Variants in TENM3 observed in about 807,000 individuals in gnomAD.
TENM3 encodes the protein teneurin transmembrane protein 3.
In TENM3, 63 loss-of-function variants were observed where a neutral mutation model predicts 255.1. That is an observed-to-expected ratio of 0.25 (90% CI 0.20 to 0.30). The LOEUF is 0.30. Among genes scored for constraint, TENM3 ranks in the 10% least tolerant of loss-of-function variants. TENM3 has a pLI of 1.00. For missense variants in TENM3, 2,929 were observed against 3,461.1 expected (o/e 0.85, Z 3.86); for synonymous variants, 1,306 against 1,322.3 (o/e 0.99, Z 0.27).
intron 24 of TENM3, among the ~76,000 whole-genome samples, chr4:182,784,702 C>T (rs1375280560): frequency 3.2e-4 from 48 of 151,534 alleles, no homozygotes; most frequent in African/African-American, 8.3e-4. Context: ...TAGCAATCAG[C>T]GAGACTCCGT....
the TENM3 span, among the ~76,000 whole-genome samples, chr4:181,599,383 G>A: frequency 1.3e-5 from 2 of 152,198 alleles, no homozygotes; most frequent in Admixed American, 6.5e-5. Context: ...CTGTAACGTC[G>A]ATGGTTAAGG....
chr4:181,593,563 A>C, the TENM3 span, among the ~76,000 whole-genome samples: 1 of 152,236 alleles, frequency 6.6e-6, no homozygotes, highest in African/African-American at 2.4e-5. Context: ...CCAGTAGTAC[A>C]TGGCACTGGA....
intron 3 of TENM3, among the ~76,000 whole-genome samples, chr4:182,496,156 C>T (rs946971435): frequency 4.6e-5 from 7 of 152,148 alleles, no homozygotes; most frequent in Non-Finnish European, 8.8e-5. Flanking sequence ...AGGGGCCAGT[C>T]TCACTGTTCT....
intron 1 of TENM3, among the ~76,000 whole-genome samples, chr4:182,186,814 T>TATATATATATATATATA (rs1753193848): frequency 1.1e-5 from 1 of 88,240 alleles, no homozygotes. Context: ...TATATATATA[T>TATATATATATATATATA]GGTCCTACCC....
At chr4:182,015,620 G>A in the TENM3 span, among the ~76,000 whole-genome samples, 2 of 151,828 alleles carry the variant, frequency 1.3e-5, no homozygotes, top group Non-Finnish European at 2.9e-5. Flanking sequence ...GAGTGCAGTG[G>A]TGCGATCTTG....
At chr4:182,464,781 T>C (rs1365711930) in intron 3 of TENM3, among the ~76,000 whole-genome samples, 4 of 152,236 alleles carry the variant, frequency 2.6e-5, no homozygotes, top group Non-Finnish European at 5.9e-5. Flanking sequence ...GAGAGAACCA[T>C]AGTTCTGTAT....
the TENM3 span, among the ~76,000 whole-genome samples, chr4:181,810,725 AT>A: frequency 6.6e-6 from 1 of 152,230 alleles, no homozygotes; most frequent in South Asian, 2.1e-4. Context: ...TGCCAGTGGC[AT>A]TTGAAGTGGG....
the TENM3 span, among the ~76,000 whole-genome samples, chr4:181,920,062 C>T: frequency 6.6e-6 from 1 of 151,966 alleles, no homozygotes; most frequent in African/African-American, 2.4e-5. Context: ...AGGACATGAA[C>T]TCATCCTTTT....
the TENM3 span, among the ~76,000 whole-genome samples, chr4:181,747,850 T>C: frequency 6.6e-6 from 1 of 151,982 alleles, no homozygotes. Flanking sequence ...AAGAATCCGG[T>C]TTTCTTTTTT....
At chr4:182,585,198 T>G (rs1462026484) in intron 3 of TENM3, among the ~76,000 whole-genome samples, 3 of 152,180 alleles carry the variant, frequency 2.0e-5, no homozygotes, top group East Asian at 3.8e-4. Context: ...AACATTTCCT[T>G]TTAAGATTGA....
intron 13 of TENM3, among the ~76,000 whole-genome samples, chr4:182,716,512 C>T (rs1759188389): frequency 6.6e-6 from 1 of 152,166 alleles, no homozygotes; most frequent in Non-Finnish European, 1.5e-5. Context: ...GTATTCCTGC[C>T]TCTAACCTAA....
intron 1 of TENM3, among the ~76,000 whole-genome samples, chr4:182,222,298 C>T (rs1290315575): frequency 6.6e-6 from 1 of 152,184 alleles, no homozygotes; most frequent in Non-Finnish European, 1.5e-5. Flanking sequence ...GTCAGTGAAG[C>T]GTGGAGGTCT....
the TENM3 span, among the ~76,000 whole-genome samples, chr4:181,655,608 T>C: frequency 1.3e-5 from 2 of 152,206 alleles, no homozygotes; most frequent in African/African-American, 2.4e-5. Flanking sequence ...TGAGCATGTA[T>C]GGCAGAGGCC....
chr4:182,197,781 C>T (rs1753920728), intron 1 of TENM3, among the ~76,000 whole-genome samples: 1 of 152,194 alleles, frequency 6.6e-6, no homozygotes, highest in Admixed American at 6.5e-5. Context: ...GCTGGTTTGT[C>T]AACCCTGTTC....
chr4:182,029,250 T>C, the TENM3 span, among the ~76,000 whole-genome samples: 139,340 of 152,036 alleles, frequency 0.92, 65,055 homozygotes, highest in East Asian at 1. Flanking sequence ...TCATGAATGG[T>C]TTAACATTTC....
the TENM3 span, among the ~76,000 whole-genome samples, chr4:181,732,757 G>A: frequency 3.3e-5 from 5 of 151,856 alleles, no homozygotes; most frequent in South Asian, 2.1e-4. Context: ...CACAGCTTGC[G>A]TTTTGAGGTG....
At chr4:181,972,541 A>G in the TENM3 span, among the ~76,000 whole-genome samples, 2 of 152,102 alleles carry the variant, frequency 1.3e-5, no homozygotes, top group African/African-American at 4.8e-5. Flanking sequence ...CCCCAGAAAG[A>G]TCCTAAAGAA....
rs189142499 is a variant in TENM3, at chr4:182,263,993, C to T, written c.-76+20517C>T. Among the ~76,000 whole-genome samples, 73 of 152,292 alleles carry T rather than the reference C, an allele frequency of 4.8e-4. 1 individual carries two copies. In the East Asian group the frequency reaches 8.9e-3, roughly 19 times the overall value. ...CCCCCAGGGCGATGGTGCCGCAAGCCGGATCACTAGGGCCGCTCAGGGAAA... is the reference window on the plus strand; with the variant it reads ...CCCCCAGGGCGATGGTGCCGCAAGCTGGATCACTAGGGCCGCTCAGGGAAA... On this transcript the variant is annotated intron_variant, in intron 1 of 27. Coordinates refer to ENST00000511685, the MANE Select transcript of TENM3 (RefSeq NM_001080477.4).
chr4:181,705,046 C>A, the TENM3 span, among the ~76,000 whole-genome samples: 20 of 27,164 alleles, frequency 7.4e-4, no homozygotes, highest in East Asian at 3.8e-3. Context: ...AAAAACAAAA[C>A]AAAACAAAAA....
Sources: allele counts gnomAD v4.1 joint callset (sites outside exome capture counted in the v4.1 genomes callset), GRCh38; gene constraint gnomAD v4.1.1; transcripts MANE v1.5; gene names NCBI Gene and HGNC (gene_info 2026-07-23, HGNC 2026-07-21).